The following TASP1 variants were observed in gnomAD, a reference collection of about 807,000 sequenced individuals.
TASP1 encodes the protein threonine aspartase 1.
In TASP1, 16 loss-of-function variants were observed where a neutral mutation model predicts 56.6. The ratio of observed to expected loss-of-function variants is 0.28; its 90% CI spans 0.19 to 0.43. The LOEUF is 0.43. Ranked by LOEUF, TASP1 falls within the 20% of genes least tolerant of loss-of-function variation. The pLI, the probability that TASP1 is intolerant of heterozygous loss-of-function variation, is 1.00. For synonymous variants in TASP1, 179 were observed against 184.2 expected, an observed-to-expected ratio of 0.97 and a Z score of 0.23; for missense variants, 393 against 511.6, an observed-to-expected ratio of 0.77 and a Z score of 2.24.
At chr20:13,163,595 T>C in the TASP1 span, among the ~76,000 whole-genome samples, 7 of 152,002 alleles carry the variant, frequency 4.6e-5, no homozygotes, top group Admixed American at 4.6e-4. Context: ...GTAGGAAATT[T>C]AGAAAAACAG....
chr20:13,446,038 T>A (rs2043398444), intron 11 of TASP1, among the ~76,000 whole-genome samples: 1 of 152,082 alleles, frequency 6.6e-6, no homozygotes, highest in Non-Finnish European at 1.5e-5. Context: ...TATGATATGA[T>A]AATCAATAAA....
chr20:13,120,589 G>T, the TASP1 span, among the ~76,000 whole-genome samples: 1 of 152,170 alleles, frequency 6.6e-6, no homozygotes, highest in Non-Finnish European at 1.5e-5. Flanking sequence ...TGTCTAGGAG[G>T]TTCTGGAAAT....
At chr20:13,611,686 T>C (rs763099180) in intron 4 of TASP1, among the ~76,000 whole-genome samples, 47 of 152,226 alleles carry the variant, frequency 3.1e-4, no homozygotes, top group Non-Finnish European at 4.1e-4. Flanking sequence ...CCAAGACTTA[T>C]TTCCAGCTAT....
chr20:13,225,225 A>T, the TASP1 span, among the ~76,000 whole-genome samples: 1 of 152,088 alleles, frequency 6.6e-6, no homozygotes, highest in African/African-American at 2.4e-5. Context: ...TCAAAAGGAG[A>T]AACTGAGGTT....
chr20:13,532,766 A>C (rs2045270750), intron 9 of TASP1, among the ~76,000 whole-genome samples: 1 of 152,204 alleles, frequency 6.6e-6, no homozygotes, highest in Non-Finnish European at 1.5e-5. Flanking sequence ...CATGGGGACT[A>C]TAATGCATCA....
chr20:13,421,779 A>G (rs1056903980), intron 12 of TASP1, among the ~76,000 whole-genome samples: 3 of 152,128 alleles, frequency 2.0e-5, no homozygotes, highest in Non-Finnish European at 4.4e-5. Context: ...CTGCAAGAAC[A>G]TTCTCTTAAT....
chr20:13,323,184 A>G, the TASP1 span, among the ~76,000 whole-genome samples: 1 of 152,198 alleles, frequency 6.6e-6, no homozygotes, highest in Admixed American at 6.5e-5. Context: ...TACTTGCTAC[A>G]AAGAATAAGA....
the TASP1 span, among the ~76,000 whole-genome samples, chr20:13,285,362 C>T: frequency 1.3e-5 from 2 of 152,214 alleles, no homozygotes; most frequent in South Asian, 2.1e-4. Flanking sequence ...AGTTCTCTCC[C>T]TCACAAGTCC....
intron 9 of TASP1, among the ~76,000 whole-genome samples, chr20:13,530,569 C>T (rs8123503): frequency 0.041 from 6,174 of 152,252 alleles, 394 homozygotes; most frequent in African/African-American, 0.14. Flanking sequence ...ACGTCCCCCA[C>T]AATTAACATG....
At chr20:13,513,354 A>T (rs8124555) in intron 10 of TASP1, among the ~76,000 whole-genome samples, 30,321 of 151,228 alleles carry the variant, frequency 0.2, 3,254 homozygotes, top group Middle Eastern at 0.27. Flanking sequence ...GGCACCACTG[A>T]CCTTGGAGGG....
At chr20:13,206,110 G>A in the TASP1 span, among the ~76,000 whole-genome samples, 16 of 152,232 alleles carry the variant, frequency 1.1e-4, no homozygotes, top group Middle Eastern at 3.4e-3. Context: ...CAGGTGATAC[G>A]GGACATTGGC....
At chr20:13,400,650 G>T (rs2041703000) in intron 13 of TASP1, among the ~76,000 whole-genome samples, 1 of 152,120 alleles carries the variant, frequency 6.6e-6, no homozygotes, top group Non-Finnish European at 1.5e-5. Flanking sequence ...GTACAGTGAT[G>T]ACAGCTCAAG....
At chr20:13,513,529 G>C (rs2146737503) in intron 10 of TASP1, among the ~76,000 whole-genome samples, 1 of 152,164 alleles carries the variant, frequency 6.6e-6, no homozygotes, top group African/African-American at 2.4e-5. Context: ...AAGGAGGGAA[G>C]GGATTCTAAA....
At chr20:13,361,661 A>G in the TASP1 span, among the ~76,000 whole-genome samples, 43 of 151,916 alleles carry the variant, frequency 2.8e-4, no homozygotes, top group South Asian at 5.4e-3. Flanking sequence ...GTGCCCCCCA[A>G]AAAAACTTGT....
chr20:13,515,357 G>C (rs2044482105), intron 10 of TASP1, among the ~76,000 whole-genome samples: 1 of 151,948 alleles, frequency 6.6e-6, no homozygotes, highest in Non-Finnish European at 1.5e-5. Context: ...CTGGTAATTT[G>C]TATGTGATGG....
intron 13 of TASP1, chr20:13,393,646 T>C: frequency 7.7e-7 from 1 of 1,301,746 alleles, no homozygotes; most frequent in Non-Finnish European, 1.1e-6. Flanking sequence ...GTGGTGGACC[T>C]CATGGCCCAC....
the TASP1 span, among the ~76,000 whole-genome samples, chr20:13,219,312 A>C: frequency 6.6e-6 from 1 of 152,134 alleles, no homozygotes; most frequent in Admixed American, 6.5e-5. Flanking sequence ...TTCGGCGCTG[A>C]TTCTCCAGCC....
At chr20:13,579,565 G>A (rs1031818633) in intron 6 of TASP1, among the ~76,000 whole-genome samples, 12 of 151,762 alleles carry the variant, frequency 7.9e-5, no homozygotes, top group South Asian at 2.1e-4. Flanking sequence ...GGGTTTCACC[G>A]TGGTCTCGAT....
chr20:13,356,239 G>C, the TASP1 span, among the ~76,000 whole-genome samples: 3 of 152,226 alleles, frequency 2.0e-5, no homozygotes, highest in Non-Finnish European at 2.9e-5. Context: ...TTAAATTCAA[G>C]AGTTGGGAAT....
Sources: allele counts gnomAD v4.1 joint callset (sites outside exome capture counted in the v4.1 genomes callset), GRCh38; gene constraint gnomAD v4.1.1; transcripts MANE v1.5; gene names NCBI Gene and HGNC (gene_info 2026-07-23, HGNC 2026-07-21).